The following PTPRD variants were observed in gnomAD, a reference collection of about 807,000 sequenced individuals.
PTPRD encodes receptor-type tyrosine-protein phosphatase delta.
Under a neutral mutation model 214.5 loss-of-function variants are expected in PTPRD, and 34 were observed. The observed-to-expected ratio is 0.16, with a 90% CI of 0.12 to 0.21. The LOEUF (loss-of-function observed/expected upper bound fraction) is 0.21, where lower values mean the gene tolerates loss of function less well. PTPRD is among the 10% of genes least tolerant of loss of function. PTPRD has a pLI of 1.00. For synonymous variants in PTPRD, 1,128 were observed against 845.7 expected, an observed-to-expected ratio of 1.33 and a Z score of -5.79; for missense variants, 2,545 against 2,398.7, an observed-to-expected ratio of 1.06 and a Z score of -1.27.
At chr9:10,546,336 A>T (rs1048841414) in intron 2 of PTPRD, among the ~76,000 whole-genome samples, 3 of 152,052 alleles carry the variant, frequency 2.0e-5, no homozygotes, top group African/African-American at 7.2e-5. Context: ...TGAAGGAACC[A>T]GTAGTTCTAG....
intron 3 of PTPRD, among the ~76,000 whole-genome samples, chr9:10,145,211 C>G (rs1257278502): frequency 6.6e-6 from 1 of 152,062 alleles, no homozygotes; most frequent in Non-Finnish European, 1.5e-5. Context: ...AGGACCACAT[C>G]AATTTCTTGA....
chr9:8,704,630 A>C (rs1368294681), intron 12 of PTPRD, among the ~76,000 whole-genome samples: 9 of 152,170 alleles, frequency 5.9e-5, no homozygotes. Context: ...ATGGAAGCTT[A>C]AGACAGGTAA....
At chr9:10,110,754 G>C (rs560496375) in intron 3 of PTPRD, among the ~76,000 whole-genome samples, 1 of 152,282 alleles carries the variant, frequency 6.6e-6, no homozygotes, top group East Asian at 1.9e-4. Flanking sequence ...TACAGAAATA[G>C]CTCCTGGCTA....
intron 36 of PTPRD, among the ~76,000 whole-genome samples, chr9:8,397,085 G>A (rs1394966027): frequency 6.6e-6 from 1 of 152,116 alleles, no homozygotes; most frequent in Non-Finnish European, 1.5e-5. Context: ...TGAGAAAAAT[G>A]AACTCAACAA....
rs544430832 is a variant in PTPRD, at chr9:8,637,854, G to C, written c.65-1010C>G. ...ATAAAATCTGTATCATACCACATGAGAAATGCTTATGATGCAATAATAAGC... is the reference window on the plus strand; with the variant it reads ...ATAAAATCTGTATCATACCACATGACAAATGCTTATGATGCAATAATAAGC... On this transcript the variant is annotated intron_variant, in intron 12 of 45. Transcript: ENST00000381196. 1.1e-4 allele frequency among the ~76,000 whole-genome samples: 16 copies of C among 152,098 alleles called. 1 individual carries two copies. Among genetic ancestry groups the C allele is most frequent in the Non-Finnish European group, 1.8e-4 (12 of 68,010 alleles).
intron 5 of PTPRD, among the ~76,000 whole-genome samples, chr9:9,805,070 C>T (rs76662973): frequency 6.6e-6 from 1 of 151,936 alleles, no homozygotes; most frequent in Non-Finnish European, 1.5e-5. Context: ...AGTGTAAACA[C>T]TCTCTTTTAA....
At chr9:8,933,288 T>C (rs1191804267) in intron 11 of PTPRD, among the ~76,000 whole-genome samples, 9 of 149,544 alleles carry the variant, frequency 6.0e-5, no homozygotes, top group Admixed American at 1.3e-4. Flanking sequence ...TCGCTGGGAG[T>C]TGCAGACCAG....
chr9:9,723,377 C>T (rs1367423731), intron 7 of PTPRD, among the ~76,000 whole-genome samples: 2 of 152,024 alleles, frequency 1.3e-5, no homozygotes, highest in African/African-American at 4.8e-5. Flanking sequence ...TTGATTTATT[C>T]GTTAGGCCAA....
intron 9 of PTPRD, among the ~76,000 whole-genome samples, chr9:9,290,395 AT>A (rs1376876079): frequency 1.3e-4 from 19 of 151,674 alleles, no homozygotes; most frequent in Non-Finnish European, 2.1e-4. Flanking sequence ...ATTTTCTCCC[AT>A]TTTGTATGTT....
chr9:10,176,196 C>G (rs2099247689), intron 3 of PTPRD, among the ~76,000 whole-genome samples: 1 of 151,636 alleles, frequency 6.6e-6, no homozygotes, highest in Admixed American at 6.6e-5. Flanking sequence ...ACATGTAAAT[C>G]CAGTATTTTA....
chr9:10,100,799 G>A (rs949525490), intron 3 of PTPRD, among the ~76,000 whole-genome samples: 2 of 151,496 alleles, frequency 1.3e-5, no homozygotes, highest in African/African-American at 2.4e-5. Flanking sequence ...ATAAGCTGGG[G>A]ACGATCCTCC....
chr9:10,606,147 A>G (rs923572180), intron 2 of PTPRD, among the ~76,000 whole-genome samples: 4 of 151,872 alleles, frequency 2.6e-5, no homozygotes, highest in African/African-American at 9.7e-5. Context: ...TATTGTTATC[A>G]ACAGCAAAAA....
chr9:9,224,806 T>C (rs989979971), intron 9 of PTPRD, among the ~76,000 whole-genome samples: 3 of 152,126 alleles, frequency 2.0e-5, no homozygotes, highest in Middle Eastern at 3.4e-3. Context: ...CTGTAAGATA[T>C]GTCTTAAGCT....
chr9:8,581,365 T>C (rs2093065418), intron 14 of PTPRD, among the ~76,000 whole-genome samples: 1 of 152,158 alleles, frequency 6.6e-6, no homozygotes, highest in Non-Finnish European at 1.5e-5. Context: ...ATTCTCATTG[T>C]TTGAACACAG....
rs1599176508 is a variant in PTPRD, at chr9:9,834,965, C to A, written c.-367-68114G>T. Among the ~76,000 whole-genome samples, 3 of 151,662 alleles carry A rather than the reference C, an allele frequency of 2.0e-5. No individual in the cohort carries two copies. In the East Asian group the frequency reaches 5.8e-4, roughly 29 times the overall value. On this transcript the variant is annotated intron_variant, in intron 5 of 45. Transcript: ENST00000381196. ...TTTTTTGTTCCATCCCAGATAAGAG[C>A]AGATTCACTTTGTTTTATCTGGTAG...
chr9:8,446,917 T>C (rs556977986), intron 34 of PTPRD, among the ~76,000 whole-genome samples: 4 of 152,170 alleles, frequency 2.6e-5, no homozygotes, highest in African/African-American at 7.2e-5. Flanking sequence ...TGGCAAGTAA[T>C]TATGGTAATT....
At chr9:10,074,394 A>C (rs1249296761) in intron 3 of PTPRD, among the ~76,000 whole-genome samples, 4 of 152,250 alleles carry the variant, frequency 2.6e-5, no homozygotes, top group Admixed American at 2.6e-4. Context: ...ATATGGCTCT[A>C]TTCCAGTCCC....
At chr9:10,522,889 G>A (rs1432590742) in intron 2 of PTPRD, among the ~76,000 whole-genome samples, 2 of 151,906 alleles carry the variant, frequency 1.3e-5, no homozygotes, top group African/African-American at 2.4e-5. Context: ...ATACAACAGT[G>A]TTCATCTAAG....
chr9:8,992,916 G>A (rs1209270060), intron 11 of PTPRD, among the ~76,000 whole-genome samples: 1 of 152,092 alleles, frequency 6.6e-6, no homozygotes. Context: ...ATAAATATTT[G>A]TTGGTGAGGC....
Sources: allele counts gnomAD v4.1 joint callset (sites outside exome capture counted in the v4.1 genomes callset), GRCh38; gene constraint gnomAD v4.1.1; transcripts MANE v1.5; gene names NCBI Gene and HGNC (gene_info 2026-07-23, HGNC 2026-07-21).